The following ICA1L variants were observed in gnomAD, a reference collection of about 807,000 sequenced individuals.
ICA1L encodes islet cell autoantigen 1-like protein.
Under a neutral mutation model 61.3 loss-of-function variants are expected in ICA1L, and 50 were observed. The ratio of observed to expected loss-of-function variants is 0.82; its 90% confidence interval spans 0.65 to 1.03. The LOEUF (loss-of-function observed/expected upper bound fraction) is 1.03, where lower values mean the gene tolerates loss of function less well. Among genes scored for constraint, ICA1L ranks in the 50% least tolerant of loss-of-function variants. The pLI is 0.00. For missense variants in ICA1L, 508 were observed against 556.7 expected (o/e 0.91, Z 0.88); for synonymous variants, 161 against 191.3 (o/e 0.84, Z 1.31).
In ICA1L at chr2:202,796,931, A is replaced by T. The variant is rs760820648; in HGVS notation, c.944T>A (p.Met315Lys). 1.2e-6 allele frequency: 2 copies of T among 1,603,102 alleles called. No individual in the cohort carries two copies. Among genetic ancestry groups the T allele is most frequent in the Non-Finnish European group, 1.7e-6 (2 of 1,175,902 alleles). Residue 315 changes from methionine to lysine, a missense_variant, in exon 10 of 13, where the codon ATG (methionine) becomes AAG (lysine). Physicochemically the swap from Met to Lys is moderately conservative, Grantham distance 95. Transcript: ENST00000358299. Reference sequence around the variant, plus strand: ...AAACTGAGGTGCTCCAAATTCTCTCATTTGAGAATGTTTTTCATTGTGATC... The same window carrying T: ...AAACTGAGGTGCTCCAAATTCTCTCTTTTGAGAATGTTTTTCATTGTGATC... Reference protein sequence around the residue: ...NKDHNEKHSQMREFGAPQFSN... With the variant: ...NKDHNEKHSQKREFGAPQFSN...
chr2:202,823,819 T>G (rs1693762465), intron 3 of ICA1L, among the ~76,000 whole-genome samples: 2 of 152,232 alleles, frequency 1.3e-5, no homozygotes, highest in African/African-American at 4.8e-5. Context: ...TATTCTGAAC[T>G]CAATTACATA....
intron 12 of ICA1L, among the ~76,000 whole-genome samples, chr2:202,784,450 AAAAG>A (rs1463957436): frequency 1.3e-5 from 2 of 152,192 alleles, no homozygotes; most frequent in African/African-American, 2.4e-5. Context: ...AAACAACAAC[AAAAG>A]AAAACATATG....
At chr2:202,841,051 C>T in intron 1 of ICA1L, 1 of 653,300 alleles carries the variant, frequency 1.5e-6, no homozygotes, top group South Asian at 1.4e-5. Flanking sequence ...CACAGCACCA[C>T]AGATGTGTCC....
intron 1 of ICA1L, among the ~76,000 whole-genome samples, chr2:202,857,555 A>G (rs765592401): frequency 3.3e-5 from 5 of 152,212 alleles, no homozygotes; most frequent in South Asian, 2.1e-4. Context: ...CCTTCAGGAC[A>G]TAGGAATGAG....
In ICA1L at chr2:202,773,946, C is replaced by T. The variant is rs909988550; in HGVS notation, c.*5587G>A. 7 of 1,120,456 alleles carry T rather than the reference C, an allele frequency of 6.2e-6. No individual in the cohort carries two copies. The highest frequency in any genetic ancestry group is 6.6e-6 in the Non-Finnish European group (5 of 758,694). The allele number at this position is 1,120,456 out of a possible 1,614,324, so 69.4% of individuals were successfully genotyped here. On this transcript the variant is annotated 3_prime_UTR_variant, in exon 13 of 13. Transcript: ENST00000358299. ...AAGAGACAGAAAGATTCTTCTCTTC[C>T]GCTTATTACTTGCCACTGTGTTTTA...
chr2:202,850,027 G>C (rs912162684), intron 1 of ICA1L, among the ~76,000 whole-genome samples: 1 of 152,150 alleles, frequency 6.6e-6, no homozygotes, highest in South Asian at 2.1e-4. Context: ...TAGACCTCCA[G>C]CAAACTGTAG....
chr2:202,832,923 T>G (rs912979164), intron 1 of ICA1L, among the ~76,000 whole-genome samples: 5 of 151,974 alleles, frequency 3.3e-5, no homozygotes, highest in Admixed American at 2.0e-4. Flanking sequence ...AAAGAAGAGA[T>G]AGAATGGGAT....
Position 202,779,571 on chromosome 2 carries a change from C to CAT in ICA1L, c.1409_1410dup (p.Ala471MetfsTer15). 3.7e-6 allele frequency: 6 copies of CAT among 1,612,982 alleles called. No individual in the cohort carries two copies. The highest frequency in any genetic ancestry group is 5.1e-6 in the Non-Finnish European group (6 of 1,179,338). On this transcript the variant is annotated frameshift_variant, in exon 13 of 13. Transcript: ENST00000358299. LOFTEE classifies it high-confidence loss of function. ...AGTTCATCATCTGAGTGTCCAATAG[C>CAT]ATCTGGGTTTGAAAGTGGATCCAAG...
At chr2:202,803,575 A>G (rs1020605023) in intron 9 of ICA1L, among the ~76,000 whole-genome samples, 2 of 152,050 alleles carry the variant, frequency 1.3e-5, no homozygotes, top group African/African-American at 4.8e-5. Flanking sequence ...CACTCTGTCG[A>G]CCATGCTGGA....
At chr2:202,843,283 T>C (rs1395853397) in intron 1 of ICA1L, among the ~76,000 whole-genome samples, 1 of 152,170 alleles carries the variant, frequency 6.6e-6, no homozygotes, top group Non-Finnish European at 1.5e-5. Flanking sequence ...TGGACTGACT[T>C]TCCTCCATGG....
chr2:202,858,902 T>A (rs1387594585), intron 1 of ICA1L, among the ~76,000 whole-genome samples: 2 of 152,200 alleles, frequency 1.3e-5, no homozygotes, highest in African/African-American at 2.4e-5. Context: ...TCTATGAAGT[T>A]CATACAATGA....
intron 11 of ICA1L, among the ~76,000 whole-genome samples, chr2:202,787,674 G>C (rs1453838518): frequency 6.6e-6 from 1 of 152,214 alleles, no homozygotes. Flanking sequence ...CTTGTAGATA[G>C]AGCATGTACC....
chr2:202,774,405 G>C lies in ICA1L; in HGVS notation c.*5128C>G. The C allele has an allele frequency of 9.7e-7, 1 of 1,035,198 alleles. No individual in the cohort carries two copies. Among genetic ancestry groups the C allele is most frequent in the Non-Finnish European group, 1.3e-6 (1 of 780,216 alleles). The allele number at this position is 1,035,198 out of a possible 1,614,324, so 64.1% of individuals were successfully genotyped here. A position where few individuals can be genotyped will look rare whatever the true frequency, so the allele number is the denominator to read the frequency against. On this transcript the variant is annotated 3_prime_UTR_variant, in exon 13 of 13. Coordinates refer to ENST00000358299, the MANE Select transcript of ICA1L (RefSeq NM_001288622.3). ...ACCAGGCCTCACTGCGCCTCCAACA[G>C]CCAGGGTCGAGCCCCTGGCTCCCCG...
chr2:202,802,295 G>T (rs1039985709), intron 9 of ICA1L, among the ~76,000 whole-genome samples: 1 of 152,044 alleles, frequency 6.6e-6, no homozygotes, highest in African/African-American at 2.4e-5. Flanking sequence ...ATGAAAACAT[G>T]ACAGAGAAGT....
At position 202,773,712 on chromosome 2, in the gene ICA1L, T is replaced by C; in HGVS notation, c.*5821A>G. On this transcript the variant is annotated 3_prime_UTR_variant, in exon 13 of 13. Coordinates refer to ENST00000358299, the MANE Select transcript of ICA1L (RefSeq NM_001288622.3). ...ATTAATATATACAGCATATTGACTC[T>C]AGTTGCATCAGTTATGCATGAAGAG... 9.2e-7 allele frequency: 1 copy of C among 1,088,390 alleles called. No homozygotes were observed. Among genetic ancestry groups the C allele is most frequent in the Admixed American group, 1.8e-5 (1 of 54,456 alleles). The allele number at this position is 1,088,390 out of a possible 1,614,324, so 67.4% of individuals were successfully genotyped here. A position where few individuals can be genotyped will look rare whatever the true frequency, so the allele number is the denominator to read the frequency against.
At chr2:202,819,940 A>T in intron 4 of ICA1L, 41 bp from the exon 5 acceptor site, 1 of 1,452,006 alleles carries the variant, frequency 6.9e-7, no homozygotes, top group Non-Finnish European at 9.6e-7. Flanking sequence ...TGAACACATC[A>T]TAAGTAAAAC....
At chr2:202,783,657 CCTAGACTATGAAAAA>C (rs1271490568) in intron 12 of ICA1L, among the ~76,000 whole-genome samples, 14 of 152,250 alleles carry the variant, frequency 9.2e-5, no homozygotes, top group African/African-American at 3.1e-4. Context: ...TGGATTGGAT[CCTAGACTATGAAAAA>C]CTAAAATGAA....
At chr2:202,786,511 TGCAGTCC>T (rs1427260615) in intron 11 of ICA1L, among the ~76,000 whole-genome samples, 1 of 151,962 alleles carries the variant, frequency 6.6e-6, no homozygotes, top group Non-Finnish European at 1.5e-5. Flanking sequence ...ATTGCGCCAC[TGCAGTCC>T]GCAGTCCGGC....
Position 202,828,937 on chromosome 2 carries a change from T to C in ICA1L, c.73A>G (p.Lys25Glu). The C allele has an allele frequency of 6.2e-7, 1 of 1,612,980 alleles. No homozygotes were observed. Among genetic ancestry groups the C allele is most frequent in the Non-Finnish European group, 8.5e-7 (1 of 1,179,616 alleles). ...GCTTTGATAAAGACCTGTTTAGTTT[T>C]CCAGTATTTCTTTTGCATTCTTCTG... Reference protein sequence around the residue: ...VVRRMQKKYWKTKQVFIKATG... With the variant: ...VVRRMQKKYWETKQVFIKATG... Residue 25 changes from lysine (K) to glutamate (E), a missense_variant, in exon 2 of 13, where the codon AAA becomes GAA. Transcript: ENST00000358299.
Sources: gnomAD v4.1 joint callset for allele counts (sites outside exome capture counted in the v4.1 genomes callset) on GRCh38, gnomAD v4.1.1 for gene constraint, MANE v1.5 for transcripts, NCBI Gene and HGNC (gene_info 2026-07-23, HGNC 2026-07-21) for gene names.